DAPK1: variants seen among roughly 807,000 people sequenced by gnomAD.
DAPK1 encodes the protein death-associated protein kinase 1.
A neutral mutation model predicts 144.9 loss-of-function variants in DAPK1; 56 were observed. That is an observed-to-expected ratio of 0.39 (90% confidence interval 0.31 to 0.48). DAPK1 has a LOEUF of 0.48. DAPK1 is among the 20% of genes least tolerant of loss of function. The pLI is 0.95. For missense variants in DAPK1, 1,454 were observed against 1,875.4 expected (o/e 0.78, Z 4.15); for synonymous variants, 690 against 749.0 (o/e 0.92, Z 1.29).
chr9:87,639,916 T>C (rs1830038851), intron 7 of DAPK1, 101 bp downstream of exon 7: 1 of 1,232,728 alleles, frequency 8.1e-7, no homozygotes, highest in Admixed American at 2.1e-5. Context: ...AGCTTATGCA[T>C]GCTTTTGATG....
intron 2 of DAPK1, among the ~76,000 whole-genome samples, chr9:87,559,901 C>T (rs1826845355): frequency 6.6e-6 from 1 of 152,110 alleles, no homozygotes; most frequent in South Asian, 2.1e-4. Context: ...CTATCTTGCC[C>T]TTCCTCTGCC....
intron 2 of DAPK1, among the ~76,000 whole-genome samples, chr9:87,536,298 G>A (rs74984492): frequency 0.023 from 3,553 of 152,268 alleles, 141 homozygotes; most frequent in African/African-American, 0.08. Flanking sequence ...CAGGATGGGC[G>A]AGGGTAGAAG....
rs370695678 is a variant in DAPK1, at chr9:87,702,093, C to T, written c.2872-936C>T. Among the ~76,000 whole-genome samples, 14 of 152,216 alleles carry T rather than the reference C, an allele frequency of 9.2e-5. No individual in the cohort carries two copies. The South Asian group carries it at 2.9e-3, about 32-fold the overall frequency. On this transcript the variant is annotated intron_variant, in intron 24 of 25. Transcript: ENST00000408954. ...GGCATGATCTGCTGCTTCTCAGACA[C>T]CCCCCGCCCAACCCCTAAACTCCTG...
intron 2 of DAPK1, among the ~76,000 whole-genome samples, chr9:87,514,542 T>C (rs957464690): frequency 2.6e-5 from 4 of 152,244 alleles, no homozygotes; most frequent in Non-Finnish European, 5.9e-5. Flanking sequence ...GAAGCTCCCA[T>C]GATCTAGGTC....
intron 3 of DAPK1, among the ~76,000 whole-genome samples, chr9:87,634,033 C>T (rs976431154): frequency 6.6e-6 from 1 of 152,232 alleles, no homozygotes; most frequent in Non-Finnish European, 1.5e-5. Flanking sequence ...GCTGTGATGA[C>T]CTAGTCTTTA....
At chr9:87,518,612 A>G (rs1243222193) in intron 2 of DAPK1, among the ~76,000 whole-genome samples, 1 of 152,168 alleles carries the variant, frequency 6.6e-6, no homozygotes, top group Middle Eastern at 3.2e-3. Context: ...AAATGACTGT[A>G]GACTATGCCA....
intron 2 of DAPK1, among the ~76,000 whole-genome samples, chr9:87,499,925 C>T (rs1824331967): frequency 6.6e-6 from 1 of 152,132 alleles, no homozygotes; most frequent in African/African-American, 2.4e-5. Flanking sequence ...AGTAGAAAAC[C>T]TAGTTTTCAT....
chr9:87,614,224 A>C (rs1331520994), intron 3 of DAPK1, among the ~76,000 whole-genome samples: 1 of 152,186 alleles, frequency 6.6e-6, no homozygotes, highest in Non-Finnish European at 1.5e-5. Context: ...GCACGGTCTT[A>C]AGAAAAAGTG....
intron 19 of DAPK1, among the ~76,000 whole-genome samples, chr9:87,675,545 T>C (rs1182922607): frequency 6.6e-6 from 1 of 152,030 alleles, no homozygotes; most frequent in Non-Finnish European, 1.5e-5. Flanking sequence ...CACAGCTCTA[T>C]AGACCTTACC....
intron 2 of DAPK1, among the ~76,000 whole-genome samples, chr9:87,564,704 T>C (rs888336): frequency 0.68 from 102,657 of 151,810 alleles, 36,363 homozygotes; most frequent in African/African-American, 0.89. Context: ...TAAACTCATC[T>C]TCTTAATCTG....
intron 2 of DAPK1, among the ~76,000 whole-genome samples, chr9:87,552,758 AT>A (rs33983483): frequency 0.22 from 31,978 of 145,116 alleles, 4,821 homozygotes; most frequent in African/African-American, 0.42. Context: ...TACCCCGTTA[AT>A]TTTTTTTTTT....
chr9:87,573,277 C>A (rs3128520), intron 2 of DAPK1, among the ~76,000 whole-genome samples: 11 of 152,084 alleles, frequency 7.2e-5, no homozygotes, highest in Admixed American at 2.6e-4. Context: ...AATGAGCTTC[C>A]TTTCCTACCT....
intron 20 of DAPK1, among the ~76,000 whole-genome samples, chr9:87,683,852 C>T (rs1824733422): frequency 6.6e-6 from 1 of 152,230 alleles, no homozygotes; most frequent in African/African-American, 2.4e-5. Context: ...CAGCTGCTTT[C>T]AGCCCAGCCG....
intron 2 of DAPK1, among the ~76,000 whole-genome samples, chr9:87,582,919 C>A (rs576185863): frequency 6.6e-6 from 1 of 152,058 alleles, no homozygotes; most frequent in African/African-American, 2.4e-5. Flanking sequence ...TGATCAGAAC[C>A]ACAGGAGCAG....
chr9:87,556,865 C>A (rs1826738994), intron 2 of DAPK1, among the ~76,000 whole-genome samples: 1 of 152,286 alleles, frequency 6.6e-6, no homozygotes, highest in African/African-American at 2.4e-5. Flanking sequence ...CTGGGCAGAG[C>A]CTTTGCAGGC....
At chr9:87,704,263 T>C (rs1825557350) in intron 25 of DAPK1, among the ~76,000 whole-genome samples, 1 of 152,154 alleles carries the variant, frequency 6.6e-6, no homozygotes, top group African/African-American at 2.4e-5. Flanking sequence ...ATGTAAAAAA[T>C]GTGTCAATTC....
chr9:87,645,693 G>A (rs1004890192), intron 11 of DAPK1, among the ~76,000 whole-genome samples: 1 of 152,232 alleles, frequency 6.6e-6, no homozygotes, highest in Non-Finnish European at 1.5e-5. Flanking sequence ...CCCAGATAAA[G>A]AGTAGATAGT....
At chr9:87,506,040 A>G (rs998769932) in intron 2 of DAPK1, among the ~76,000 whole-genome samples, 2 of 152,136 alleles carry the variant, frequency 1.3e-5, no homozygotes, top group South Asian at 4.1e-4. Context: ...GCCTCCCTTC[A>G]CATTTTATCC....
intron 2 of DAPK1, among the ~76,000 whole-genome samples, chr9:87,594,854 G>A (rs1402316313): frequency 6.6e-6 from 1 of 152,196 alleles, no homozygotes; most frequent in Admixed American, 6.5e-5. Context: ...GGAGCACCAG[G>A]CCTGAGGAGG....
Sources: allele counts gnomAD v4.1 joint callset (sites outside exome capture counted in the v4.1 genomes callset), GRCh38; gene constraint gnomAD v4.1.1; transcripts MANE v1.5; gene names NCBI Gene and HGNC (gene_info 2026-07-23, HGNC 2026-07-21).